CAMTA1: variants seen among roughly 807,000 people sequenced by gnomAD.
CAMTA1 encodes calmodulin-binding transcription activator 1.
In CAMTA1, 27 loss-of-function variants were observed where a neutral mutation model predicts 170.9. The ratio of observed to expected loss-of-function variants is 0.16; its 90% CI spans 0.12 to 0.22. CAMTA1 has a LOEUF of 0.22. Among genes scored for constraint, CAMTA1 ranks in the 10% least tolerant of loss-of-function variants. The pLI, the probability that CAMTA1 is intolerant of heterozygous loss-of-function variation, is 1.00. For missense variants in CAMTA1, 1,619 were observed against 2,217.2 expected (o/e 0.73, Z 5.42); for synonymous variants, 833 against 891.5 (o/e 0.93, Z 1.17).
At chr1:7,647,069 C>T (rs529341775) in intron 7 of CAMTA1, among the ~76,000 whole-genome samples, 1 of 152,306 alleles carries the variant, frequency 6.6e-6, no homozygotes, top group African/African-American at 2.4e-5. Flanking sequence ...GCAGAGAAAT[C>T]TGCTCAGAGC....
intron 4 of CAMTA1, among the ~76,000 whole-genome samples, chr1:7,220,761 C>T (rs1014496515): frequency 6.6e-5 from 10 of 152,238 alleles, no homozygotes; most frequent in South Asian, 2.1e-4. Context: ...GAATTGTGCT[C>T]GGGCACCCAG....
At chr1:7,075,754 C>T (rs905537009) in intron 3 of CAMTA1, among the ~76,000 whole-genome samples, 3 of 151,870 alleles carry the variant, frequency 2.0e-5, no homozygotes, top group South Asian at 2.1e-4. Flanking sequence ...CCTCCACCTC[C>T]GGAGTTCAAG....
intron 3 of CAMTA1, among the ~76,000 whole-genome samples, chr1:6,972,144 C>CTAA (rs1692653029): frequency 6.6e-6 from 1 of 152,096 alleles, no homozygotes; most frequent in Non-Finnish European, 1.5e-5. Flanking sequence ...GGAAGGTTTG[C>CTAA]TAAGGCAGGG....
chr1:7,264,160 C>A (rs879235227), intron 5 of CAMTA1, among the ~76,000 whole-genome samples: 1 of 152,154 alleles, frequency 6.6e-6, no homozygotes, highest in Admixed American at 6.5e-5. Flanking sequence ...AAGCATTCCT[C>A]AAACTTTCAT....
chr1:7,307,524 A>C (rs1432962551), intron 5 of CAMTA1, among the ~76,000 whole-genome samples: 1 of 151,988 alleles, frequency 6.6e-6, no homozygotes, highest in Non-Finnish European at 1.5e-5. Context: ...CTGATATTAG[A>C]GGGAAAACAT....
chr1:7,663,896 C>T lies in CAMTA1; in HGVS notation c.1349C>T (p.Ser450Leu), dbSNP rs781272569. 11 of 1,613,828 alleles carry T rather than the reference C, an allele frequency of 6.8e-6. No homozygotes were observed. Among genetic ancestry groups the T allele is most frequent in the African/African-American group, 1.3e-5 (1 of 74,914 alleles). Residue 450 changes from serine (S) to leucine (L), a missense_variant, in exon 9 of 23, where the codon TCG becomes TTG. By Grantham distance (145) the Ser-to-Leu change is moderately radical (BLOSUM62 -2). Around this residue, in one of 8 missense-constraint regions of CAMTA1, gnomAD observed 731 missense variants for 907.6 expected, o/e 0.81. Transcript: ENST00000303635. ...TTCGCCTTTCCCACCACGGGCAGCT[C>T]GGAGAGCCTGTCCATGCTGCCCACC... ...HKFAFPTTGS[S>L]ESLSMLPTNV...
At chr1:6,869,432 T>C (rs1363208737) in intron 3 of CAMTA1, among the ~76,000 whole-genome samples, 1 of 152,240 alleles carries the variant, frequency 6.6e-6, no homozygotes, top group Admixed American at 6.5e-5. Flanking sequence ...GTGTGGCTTA[T>C]ATACTTGCCT....
At chr1:7,357,313 C>T (rs562602018) in intron 5 of CAMTA1, among the ~76,000 whole-genome samples, 1 of 152,346 alleles carries the variant, frequency 6.6e-6, no homozygotes, top group South Asian at 2.1e-4. Flanking sequence ...CTGCCCAAGC[C>T]TTGCCCTTTT....
At chr1:7,045,421 A>T (rs1219150273) in intron 3 of CAMTA1, among the ~76,000 whole-genome samples, 1 of 152,176 alleles carries the variant, frequency 6.6e-6, no homozygotes, top group Non-Finnish European at 1.5e-5. Context: ...ACAGCTGGTC[A>T]CCATCCGGCA....
intron 1 of CAMTA1, among the ~76,000 whole-genome samples, chr1:6,810,798 C>A (rs138784739): frequency 0.015 from 2,204 of 151,356 alleles, 51 homozygotes; most frequent in African/African-American, 0.05. Flanking sequence ...AGCGAGACTC[C>A]GTTTCAAAAA....
chr1:7,056,882 G>A (rs1016837385), intron 3 of CAMTA1, among the ~76,000 whole-genome samples: 7 of 152,326 alleles, frequency 4.6e-5, no homozygotes, highest in South Asian at 2.1e-4. Context: ...AGAGCCGATC[G>A]TCTCATCTCT....
chr1:7,564,043 A>G (rs1355938964), intron 6 of CAMTA1, among the ~76,000 whole-genome samples: 1 of 152,132 alleles, frequency 6.6e-6, no homozygotes, highest in Non-Finnish European at 1.5e-5. Context: ...AGGTTTTTAG[A>G]ATTCAAATGA....
At chr1:7,219,762 G>A (rs1167535825) in intron 4 of CAMTA1, among the ~76,000 whole-genome samples, 4 of 152,048 alleles carry the variant, frequency 2.6e-5, no homozygotes, top group African/African-American at 9.7e-5. Context: ...GGGGCCTGGT[G>A]TGGTGGCTCA....
chr1:6,900,502 A>T (rs572621608), intron 3 of CAMTA1, among the ~76,000 whole-genome samples: 1 of 152,324 alleles, frequency 6.6e-6, no homozygotes, highest in African/African-American at 2.4e-5. Flanking sequence ...TAACTCCAGA[A>T]TTTAGCCTTT....
chr1:7,608,711 G>A (rs895369478), intron 6 of CAMTA1, among the ~76,000 whole-genome samples: 1 of 152,178 alleles, frequency 6.6e-6, no homozygotes, highest in Admixed American at 6.5e-5. Flanking sequence ...GCTCAAGGGT[G>A]CAGCAGAGGC....
chr1:7,108,951 T>C (rs1643864777), intron 4 of CAMTA1, among the ~76,000 whole-genome samples: 1 of 152,140 alleles, frequency 6.6e-6, no homozygotes, highest in Admixed American at 6.5e-5. Context: ...ACTCCCAAGC[T>C]CACTCATGCA....
At chr1:7,418,318 C>T (rs1031476204) in intron 5 of CAMTA1, among the ~76,000 whole-genome samples, 2 of 152,206 alleles carry the variant, frequency 1.3e-5, no homozygotes, top group African/African-American at 4.8e-5. Context: ...GCCTCAGCCT[C>T]CCAAATAGCT....
At chr1:7,581,390 C>T (rs949193831) in intron 6 of CAMTA1, among the ~76,000 whole-genome samples, 1 of 152,212 alleles carries the variant, frequency 6.6e-6, no homozygotes, top group Non-Finnish European at 1.5e-5. Flanking sequence ...CTAGCACTAG[C>T]GGCTTCATTA....
intron 3 of CAMTA1, among the ~76,000 whole-genome samples, chr1:7,079,679 G>A (rs923176214): frequency 6.6e-6 from 1 of 151,588 alleles, no homozygotes; most frequent in African/African-American, 2.4e-5. Context: ...CACCATGTTG[G>A]CCAGGTTGGT....
Sources: gnomAD v4.1 joint callset for allele counts (sites outside exome capture counted in the v4.1 genomes callset) on GRCh38, gnomAD v4.1.1 for gene constraint, gnomAD v4.1.1 regional missense constraint, MANE v1.5 for transcripts, NCBI Gene and HGNC (gene_info 2026-07-23, HGNC 2026-07-21) for gene names.